The following LRRFIP2 variants were observed in gnomAD, a reference collection of about 807,000 sequenced individuals.
The protein encoded by LRRFIP2 is leucine-rich repeat flightless-interacting protein 2.
In LRRFIP2, 109 loss-of-function variants were observed where a neutral mutation model predicts 125.9. The ratio of observed to expected loss-of-function variants is 0.87; its 90% CI spans 0.74 to 1.01. The LOEUF is 1.01. LRRFIP2 is among the 50% of genes least tolerant of loss of function. LRRFIP2 has a pLI of 0.00. For missense variants in LRRFIP2, 850 were observed against 862.3 expected (o/e 0.99, Z 0.18); for synonymous variants, 291 against 293.1 (o/e 0.99, Z 0.07).
chr3:37,110,880 T>C, intron 9 of LRRFIP2, 111 bp downstream of exon 9: 1 of 843,698 alleles, frequency 1.2e-6, no homozygotes, highest in Middle Eastern at 2.3e-4. Context: ...AAAACTAGTA[T>C]ATACGTAGCC....
chr3:37,090,316 C>A (rs1228185160), intron 18 of LRRFIP2, among the ~76,000 whole-genome samples: 1 of 152,146 alleles, frequency 6.6e-6, no homozygotes, highest in African/African-American at 2.4e-5. Context: ...GCAACCTCCA[C>A]CTTCCAGGTT....
chr3:37,083,169 C>T (rs955829323), intron 19 of LRRFIP2, among the ~76,000 whole-genome samples: 2 of 152,046 alleles, frequency 1.3e-5, no homozygotes, highest in African/African-American at 4.8e-5. Context: ...AATTTCTGAC[C>T]CACATCTCCA....
At chr3:37,067,558 G>C (rs2090389516) in intron 21 of LRRFIP2, 2 of 152,202 alleles carry the variant, frequency 1.3e-5, no homozygotes, top group African/African-American at 4.8e-5. Flanking sequence ...GAATTGCTGA[G>C]AAATTGATAG....
chr3:37,139,701 T>C (rs1170633521), intron 2 of LRRFIP2, among the ~76,000 whole-genome samples: 3 of 152,158 alleles, frequency 2.0e-5, no homozygotes, highest in Non-Finnish European at 4.4e-5. Flanking sequence ...CCCCAGGACT[T>C]TGTCCCAACT....
intron 1 of LRRFIP2, among the ~76,000 whole-genome samples, chr3:37,149,666 G>C (rs1014436355): frequency 6.6e-6 from 1 of 152,098 alleles, no homozygotes; most frequent in East Asian, 1.9e-4. Flanking sequence ...AGTTACAAAA[G>C]TAACTTTGCT....
intron 1 of LRRFIP2, chr3:37,174,023 T>A (rs1173010366): frequency 6.6e-6 from 1 of 152,190 alleles, no homozygotes; most frequent in Non-Finnish European, 1.5e-5. Context: ...CTGAAACTCT[T>A]AAGTCACTAT....
chr3:37,079,120 T>C (rs2092397691), intron 19 of LRRFIP2, among the ~76,000 whole-genome samples: 1 of 152,170 alleles, frequency 6.6e-6, no homozygotes, highest in African/African-American at 2.4e-5. Context: ...CAAAATCCAA[T>C]TTTAAAATGG....
At chr3:37,116,210 G>C (rs74361110) in intron 6 of LRRFIP2, among the ~76,000 whole-genome samples, 367 of 152,088 alleles carry the variant, frequency 2.4e-3, no homozygotes, top group Non-Finnish European at 4.2e-3. Context: ...CCGCAACATC[G>C]AACTCCTGGG....
At chr3:37,159,971 A>G (rs1242266644) in intron 1 of LRRFIP2, among the ~76,000 whole-genome samples, 6 of 135,702 alleles carry the variant, frequency 4.4e-5, no homozygotes, top group South Asian at 2.5e-4. Flanking sequence ...CTTGAGCCCA[A>G]TGAGTAAGCC....
chr3:37,069,991 T>C (rs1347932681), intron 21 of LRRFIP2, among the ~76,000 whole-genome samples: 1 of 152,172 alleles, frequency 6.6e-6, no homozygotes, highest in African/African-American at 2.4e-5. Flanking sequence ...TTGATGGAAA[T>C]GTTCTGTATC....
intron 18 of LRRFIP2, among the ~76,000 whole-genome samples, chr3:37,086,698 G>T (rs565320092): frequency 1.3e-5 from 2 of 152,276 alleles, no homozygotes; most frequent in African/African-American, 2.4e-5. Context: ...AGTGATTGGG[G>T]TTTCTTTTCT....
intron 21 of LRRFIP2, among the ~76,000 whole-genome samples, chr3:37,072,501 CAA>C (rs907848276): frequency 0.093 from 3,146 of 33,814 alleles, 17 homozygotes; most frequent in African/African-American, 0.16. Context: ...GACTCCGTCT[CAA>C]AAAAAAAAAA....
chr3:37,058,119 G>T (rs970329375), intron 25 of LRRFIP2, among the ~76,000 whole-genome samples: 2 of 152,152 alleles, frequency 1.3e-5, no homozygotes, highest in Non-Finnish European at 2.9e-5. Context: ...CTTTAATGGG[G>T]AAGGGTGCTT....
chr3:37,054,670 T>C (rs2148575715), intron 26 of LRRFIP2, among the ~76,000 whole-genome samples, 155 bp from the exon 27 acceptor site: 1 of 152,340 alleles, frequency 6.6e-6, no homozygotes, highest in Middle Eastern at 3.4e-3. Flanking sequence ...ACTCAGTTGC[T>C]ATTTATAAAT....
intron 19 of LRRFIP2, among the ~76,000 whole-genome samples, chr3:37,077,002 C>T (rs1256067337): frequency 6.6e-6 from 1 of 151,992 alleles, no homozygotes; most frequent in Non-Finnish European, 1.5e-5. Flanking sequence ...CTAAGAGAAA[C>T]GGAAACAAAC....
At chr3:37,066,533 G>A (rs2090194283) in intron 21 of LRRFIP2, 1 of 520,552 alleles carries the variant, frequency 1.9e-6, no homozygotes, top group Non-Finnish European at 3.5e-6. Context: ...CATAGAAACT[G>A]GTTCTCATGC....
At chr3:37,088,303 T>C (rs1036680499) in intron 18 of LRRFIP2, among the ~76,000 whole-genome samples, 8 of 152,172 alleles carry the variant, frequency 5.3e-5, no homozygotes, top group Non-Finnish European at 7.4e-5. Context: ...TGACAGTTCT[T>C]TCTGGGATTA....
intron 1 of LRRFIP2, among the ~76,000 whole-genome samples, chr3:37,156,108 C>G (rs1446963018): frequency 6.6e-6 from 1 of 152,144 alleles, no homozygotes; most frequent in South Asian, 2.1e-4. Context: ...CCCCTGGGCT[C>G]GAGCAATCCA....
intron 2 of LRRFIP2, among the ~76,000 whole-genome samples, chr3:37,132,460 A>C (rs1176154263): frequency 6.6e-6 from 1 of 152,208 alleles, no homozygotes; most frequent in Non-Finnish European, 1.5e-5. Flanking sequence ...TAACTACAAA[A>C]AGGAAAGGAA....
Sources: gnomAD v4.1 joint callset for allele counts (sites outside exome capture counted in the v4.1 genomes callset) on GRCh38, gnomAD v4.1.1 for gene constraint, MANE v1.5 for transcripts, NCBI Gene and HGNC (gene_info 2026-07-23, HGNC 2026-07-21) for gene names.